Variants in TOPBP1 observed in about 807,000 individuals in gnomAD.
TOPBP1 encodes the protein DNA topoisomerase 2-binding protein 1.
In TOPBP1, 28 loss-of-function variants were observed where a neutral mutation model predicts 167.7. The observed-to-expected ratio is 0.17, with a 90% CI of 0.12 to 0.23. The LOEUF (loss-of-function observed/expected upper bound fraction) is 0.23. Ranked by LOEUF, TOPBP1 falls within the 10% of genes least tolerant of loss-of-function variation. The probability of loss-of-function intolerance (pLI) is 1.00; values close to 1 mark genes in which losing one functional copy is unlikely to be tolerated. For synonymous variants in TOPBP1, 598 were observed against 611.4 expected (o/e 0.98, Z 0.32); for missense variants, 1,554 against 1,809.6 (o/e 0.86, Z 2.56).
intron 6 of TOPBP1, 51 bp downstream of exon 6, chr3:133,655,239 T>C (rs2107833349): frequency 8.7e-7 from 1 of 1,149,466 alleles, no homozygotes; most frequent in East Asian, 2.9e-5. Flanking sequence ...AATAAAATAT[T>C]AAATACTAGA....
At chr3:133,639,337 C>A (rs1261501279) in intron 13 of TOPBP1, among the ~76,000 whole-genome samples, 1 of 152,128 alleles carries the variant, frequency 6.6e-6, no homozygotes, top group Non-Finnish European at 1.5e-5. Flanking sequence ...TGGAAACCAT[C>A]ATTCTGAGGA....
chr3:133,608,404 G>A lies in TOPBP1; in HGVS notation c.4425+131C>T, dbSNP rs1162418357. 8.3e-6 allele frequency: 8 copies of A among 968,116 alleles called. No homozygotes were observed. The African/African-American group carries it at 1.3e-4, about 16-fold the overall frequency. The allele number at this position is 968,116 out of a possible 1,614,324, so 60.0% of individuals were successfully genotyped here. ...CAAATAGAATAAAACTGAAAGGGCT[G>A]GAATAGAAGAGAATAACAGGAGACT... On this transcript the variant is annotated intron_variant, in intron 27 of 27. Transcript: ENST00000260810.
chr3:133,639,301 G>C (rs189781914), intron 13 of TOPBP1, among the ~76,000 whole-genome samples: 83 of 152,260 alleles, frequency 5.5e-4, no homozygotes, highest in South Asian at 1.2e-3. Context: ...ATGAATTCAT[G>C]TCCTTTGTCG....
At chr3:133,651,189 TTTTTTTTA>T (rs1170007790) in intron 8 of TOPBP1, among the ~76,000 whole-genome samples, 6 of 148,578 alleles carry the variant, frequency 4.0e-5, no homozygotes, top group Non-Finnish European at 6.0e-5. Flanking sequence ...TTTTTTTTTT[TTTTTTTTA>T]AATTTTGAGA....
Position 133,618,249 on chromosome 3 carries a change from GA to G in TOPBP1, c.3555del (p.Gln1186LysfsTer22). ...VDIQNLEDSP[F>X]QKPLHDSEIA... ...ATTTCTGAATCATGTAAAGGCTTTT[GA>G]AAAGGAGAATCCTCCAAGTTTTGAA... On this transcript the variant is annotated frameshift_variant, in exon 21 of 28. Transcript: ENST00000260810. LOFTEE classifies it high-confidence loss of function. 1 of 1,613,896 alleles carries G rather than the reference GA, an allele frequency of 6.2e-7. No homozygotes were observed. The highest frequency in any genetic ancestry group is 8.5e-7 in the Non-Finnish European group (1 of 1,179,828).
Position 133,616,965 on chromosome 3 carries a change from A to AATT in TOPBP1, c.3760-41_3760-40insAAT, listed in dbSNP as rs1934913743. 4 of 1,345,810 alleles carry AATT rather than the reference A, an allele frequency of 3.0e-6. No individual in the cohort carries two copies. In the East Asian group the frequency reaches 1.0e-4, roughly 34 times the overall value. 83.4% of individuals were successfully genotyped at this position (1,345,810 alleles called of 1,614,324 possible). ...TTACTTTAGAAAAAATTAACATTAAAAATGATCAGATACACAGTTCTTTTA... is the reference window on the plus strand; with the variant it reads ...TTACTTTAGAAAAAATTAACATTAAAATTAATGATCAGATACACAGTTCTTTTA... On this transcript the variant is annotated intron_variant, in intron 22 of 27. Coordinates refer to ENST00000260810, the MANE Select transcript of TOPBP1 (RefSeq NM_007027.4).
At chr3:133,621,813 CAG>C (rs200402621) in intron 19 of TOPBP1, among the ~76,000 whole-genome samples, 3,152 of 152,176 alleles carry the variant, frequency 0.021, 117 homozygotes, top group African/African-American at 0.072. Context: ...GTAAGGAAAA[CAG>C]AACATATTAA....
chr3:133,655,930 T>C (rs1179400914), intron 5 of TOPBP1, among the ~76,000 whole-genome samples: 1 of 151,990 alleles, frequency 6.6e-6, no homozygotes, highest in Non-Finnish European at 1.5e-5. Context: ...GCTAGGGAGG[T>C]GTGCTGATGA....
intron 12 of TOPBP1, among the ~76,000 whole-genome samples, chr3:133,641,987 C>T (rs1935902256): frequency 6.6e-6 from 1 of 151,952 alleles, no homozygotes; most frequent in Non-Finnish European, 1.5e-5. Flanking sequence ...TAATAGTAGC[C>T]ACTATTTGGG....
In TOPBP1 at chr3:133,653,489, G is replaced by A. The variant is rs992197692; in HGVS notation, c.778C>T (p.His260Tyr). ...AAAAACCACTGTGTGGTCACACAGTGTACATTCCATCTCTTGGCACACTCA... is the reference window on the plus strand; with the variant it reads ...AAAAACCACTGTGTGGTCACACAGTATACATTCCATCTCTTGGCACACTCA... ...KYECAKRWNVHCVTTQWFFDS... is the reference protein window; with the variant it reads ...KYECAKRWNVYCVTTQWFFDS... The change falls in exon 7 of 28, where the codon CAC (histidine) becomes TAC (tyrosine). Residue 260 changes from histidine (H) to tyrosine (Y), a missense_variant. His to Tyr is a moderately conservative substitution (Grantham distance 83). Transcript: ENST00000260810. The A allele has an allele frequency of 3.1e-6, 5 of 1,605,464 alleles. No homozygotes were observed. The highest frequency in any genetic ancestry group is 1.3e-5 in the African/African-American group (1 of 74,366).
rs555995953 is a variant in TOPBP1 at position 133,624,069 on chromosome 3, C to T, written c.2911G>A (p.Glu971Lys). ...CTGCTTACATCTAAAAGCCAGTGCT[C>T]GGAAACAATGTGTACTCCTCTTTCT... is the stretch of plus-strand genomic sequence containing the variant. The part of the protein sequence containing the change: ...VKERGVHIVS[E>K]HWLLDCAQEC... The change falls in exon 17 of 28, where the codon GAG becomes AAG. Residue 971 changes from glutamate (E) to lysine (K), a missense_variant. Transcript: ENST00000260810. The T allele has an allele frequency of 1.9e-4, 308 of 1,612,966 alleles. 1 individual carries two copies. The highest frequency in any genetic ancestry group is 9.4e-4 in the South Asian group (85 of 90,904).
intron 2 of TOPBP1, among the ~76,000 whole-genome samples, chr3:133,659,354 T>C (rs1363574118): frequency 6.6e-6 from 1 of 152,140 alleles, no homozygotes; most frequent in Non-Finnish European, 1.5e-5. Flanking sequence ...AATAATCTTT[T>C]CAAAAACACA....
chr3:133,620,576 C>CTT (rs532343890), intron 19 of TOPBP1, among the ~76,000 whole-genome samples: 21,460 of 134,864 alleles, frequency 0.16, 1,952 homozygotes, highest in Non-Finnish European at 0.21. Context: ...CCTTCAAATA[C>CTT]TTTTTTTTTT....
intron 10 of TOPBP1, among the ~76,000 whole-genome samples, chr3:133,647,977 CA>C (rs1210059037): frequency 6.6e-6 from 1 of 152,022 alleles, no homozygotes; most frequent in African/African-American, 2.4e-5. Context: ...CTTGACCTAA[CA>C]AAAAGCAAAA....
Position 133,649,080 on chromosome 3 carries a change from G to A in TOPBP1, c.1504+303C>T, listed in dbSNP as rs541499462. ...AAAGACCACAATAATCCAGTAAGAG[G>A]TATTTGTTACAAGGTTTTAATAAAA... On this transcript the variant is annotated intron_variant, in intron 10 of 27. Coordinates refer to ENST00000260810, the MANE Select transcript of TOPBP1 (RefSeq NM_007027.4). Among the ~76,000 whole-genome samples, 25 of 152,132 alleles carry A rather than the reference G, an allele frequency of 1.6e-4. No homozygotes were observed. The South Asian group carries it at 3.1e-3, about 19-fold the overall frequency.
rs757582703 is a variant in TOPBP1 at position 133,624,171 on chromosome 3, T to A, written c.2809A>T (p.Ser937Cys). 2 of 1,613,146 alleles carry A rather than the reference T, an allele frequency of 1.2e-6. No homozygotes were observed. Among genetic ancestry groups the A allele is most frequent in the South Asian group, 2.2e-5 (2 of 90,946 alleles). ...AASLGADYRW[S>C]FDETVTHFIY... ...AAATGAGTCACTGTTTCATCAAAAC[T>A]CCACCTGAAATAACCAATACAAAAA... Residue 937 changes from serine (S) to cysteine (C), a missense_variant, in exon 17 of 28, where the codon AGT (serine) becomes TGT (cysteine). Physicochemically the swap from Ser to Cys is moderately radical, Grantham distance 112. Transcript: ENST00000260810.
At chr3:133,648,171 T>C (rs1490509959) in intron 10 of TOPBP1, among the ~76,000 whole-genome samples, 5 of 152,034 alleles carry the variant, frequency 3.3e-5, no homozygotes, top group Non-Finnish European at 5.9e-5. Flanking sequence ...GTCAGGGAAA[T>C]AGATGACAAT....
intron 20 of TOPBP1, among the ~76,000 whole-genome samples, chr3:133,619,748 C>T (rs970047696): frequency 6.6e-6 from 1 of 152,176 alleles, no homozygotes; most frequent in African/African-American, 2.4e-5. Context: ...ATCTTAAAAT[C>T]ATTTCTTTCT....
chr3:133,654,903 A>G (rs1936425003), intron 6 of TOPBP1, among the ~76,000 whole-genome samples: 1 of 152,190 alleles, frequency 6.6e-6, no homozygotes, highest in Non-Finnish European at 1.5e-5. Flanking sequence ...TGTTCTGTAA[A>G]GATTTTAAAA....
Sources: gnomAD v4.1 joint callset for allele counts (sites outside exome capture counted in the v4.1 genomes callset) on GRCh38, gnomAD v4.1.1 for gene constraint, MANE v1.5 for transcripts, NCBI Gene and HGNC (gene_info 2026-07-23, HGNC 2026-07-21) for gene names.